Variants in GUCY1A2 observed in about 807,000 individuals in gnomAD.
GUCY1A2 encodes guanylate cyclase soluble subunit alpha-2.
In GUCY1A2, 27 loss-of-function variants were observed where a neutral mutation model predicts 63.5. That is an observed-to-expected ratio of 0.43 (90% CI 0.31 to 0.59). GUCY1A2 has a LOEUF of 0.59. Among genes scored for constraint, GUCY1A2 ranks in the 20% least tolerant of loss-of-function variants. The pLI, the probability that GUCY1A2 is intolerant of heterozygous loss-of-function variation, is 0.11. For missense variants in GUCY1A2, 768 were observed against 913.3 expected, an observed-to-expected ratio of 0.84 and a Z score of 2.05; for synonymous variants, 364 against 343.5, an observed-to-expected ratio of 1.06 and a Z score of -0.66.
intron 5 of GUCY1A2, among the ~76,000 whole-genome samples, chr11:106,788,048 T>C (rs1170366236): frequency 3.3e-5 from 5 of 152,162 alleles, no homozygotes; most frequent in Non-Finnish European, 7.3e-5. Context: ...CCAGTATTTA[T>C]TATTACCTGT....
intron 6 of GUCY1A2, among the ~76,000 whole-genome samples, chr11:106,712,267 C>A (rs1863133554): frequency 6.6e-6 from 1 of 151,976 alleles, no homozygotes; most frequent in Non-Finnish European, 1.5e-5. Flanking sequence ...ATAATATTTT[C>A]TTTTGCAATG....
rs1321581023 is a variant in GUCY1A2 at position 106,827,905 on chromosome 11, A to G, written c.1207-17427T>C. 9.5e-6 allele frequency: 14 copies of G among 1,473,674 alleles called. No homozygotes were observed. The South Asian group carries it at 1.6e-4, about 17-fold the overall frequency. The allele number at this position is 1,473,674 out of a possible 1,614,324, so 91.3% of individuals were successfully genotyped here. A position where few individuals can be genotyped will look rare whatever the true frequency, so the allele number is the denominator to read the frequency against. ...GCTGCCTTCATGCTGCCGGACTCCC[A>G]GTGGTTTACTGAATATCGCGGCGGA... is the stretch of plus-strand genomic sequence containing the variant. On this transcript the variant is annotated intron_variant, in intron 4 of 7. Coordinates refer to ENST00000526355, the MANE Select transcript of GUCY1A2 (RefSeq NM_000855.3).
chr11:106,774,323 G>C (rs1282955336), intron 6 of GUCY1A2, among the ~76,000 whole-genome samples: 1 of 151,970 alleles, frequency 6.6e-6, no homozygotes, highest in African/African-American at 2.4e-5. Context: ...AGTACAGACA[G>C]GGTTTCACCA....
chr11:106,859,398 G>GA (rs1182533171), intron 4 of GUCY1A2, among the ~76,000 whole-genome samples: 1 of 151,852 alleles, frequency 6.6e-6, no homozygotes, highest in Non-Finnish European at 1.5e-5. Context: ...TTATTCTGCT[G>GA]AACCTCATCA....
chr11:106,842,174 GC>G (rs1378703500), intron 4 of GUCY1A2, among the ~76,000 whole-genome samples: 2 of 151,858 alleles, frequency 1.3e-5, no homozygotes, highest in African/African-American at 4.8e-5. Context: ...CCCACAGTGG[GC>G]CCTTCCCACT....
intron 3 of GUCY1A2, among the ~76,000 whole-genome samples, chr11:106,941,139 CA>C (rs1478969209): frequency 6.6e-6 from 1 of 152,044 alleles, no homozygotes; most frequent in Non-Finnish European, 1.5e-5. Context: ...CTTTCACCCA[CA>C]AAAGTAAGGG....
At chr11:106,877,571 C>T (rs1859767072) in intron 4 of GUCY1A2, among the ~76,000 whole-genome samples, 1 of 152,010 alleles carries the variant, frequency 6.6e-6, no homozygotes, top group African/African-American at 2.4e-5. Context: ...ACTGGCTACC[C>T]ATACACAGAA....
intron 6 of GUCY1A2, among the ~76,000 whole-genome samples, chr11:106,769,016 T>G (rs1864209991): frequency 6.6e-6 from 1 of 152,132 alleles, no homozygotes; most frequent in South Asian, 2.1e-4. Context: ...TTAAATCCCC[T>G]GATCGCTAAC....
At chr11:106,979,370 G>A (rs1861304858) in intron 2 of GUCY1A2, among the ~76,000 whole-genome samples, 2 of 151,142 alleles carry the variant, frequency 1.3e-5, no homozygotes, top group South Asian at 2.1e-4. Context: ...CAGAAGAATG[G>A]TGTGAACCCA....
chr11:106,981,461 G>A (rs3133355), intron 2 of GUCY1A2, among the ~76,000 whole-genome samples: 40,012 of 146,706 alleles, frequency 0.27, 5,691 homozygotes, highest in East Asian at 0.51. Flanking sequence ...TATTAACACA[G>A]CAATGCTTAT....
At chr11:106,709,485 T>TATATA (rs1863008493) in intron 6 of GUCY1A2, among the ~76,000 whole-genome samples, 2 of 55,346 alleles carry the variant, frequency 3.6e-5, no homozygotes, top group African/African-American at 2.5e-4. Context: ...TTATTATATA[T>TATATA]TTATATATAT....
At chr11:106,687,966 C>G (rs1862558547) in intron 7 of GUCY1A2, among the ~76,000 whole-genome samples, 1 of 151,964 alleles carries the variant, frequency 6.6e-6, no homozygotes. Flanking sequence ...ATAAAAAAAC[C>G]CCAAAGCTGA....
At chr11:106,988,756 T>C (rs780585466) in intron 1 of GUCY1A2, among the ~76,000 whole-genome samples, 1 of 152,204 alleles carries the variant, frequency 6.6e-6, no homozygotes, top group Non-Finnish European at 1.5e-5. Flanking sequence ...CTGCACAGCA[T>C]CTCCTAACTT....
chr11:106,822,080 T>C (rs1336870714), intron 4 of GUCY1A2, among the ~76,000 whole-genome samples: 1 of 152,166 alleles, frequency 6.6e-6, no homozygotes, highest in Non-Finnish European at 1.5e-5. Context: ...ATCCTGGCTG[T>C]TGCATAAGCA....
intron 4 of GUCY1A2, among the ~76,000 whole-genome samples, chr11:106,818,897 A>C (rs1331340030): frequency 6.6e-6 from 1 of 152,146 alleles, no homozygotes; most frequent in Non-Finnish European, 1.5e-5. Flanking sequence ...TAGATCTCTA[A>C]TTCTATGAAG....
chr11:106,715,571 T>C (rs1863199621), intron 6 of GUCY1A2, among the ~76,000 whole-genome samples: 1 of 152,210 alleles, frequency 6.6e-6, no homozygotes, highest in African/African-American at 2.4e-5. Context: ...AGAGTTAGCA[T>C]ATTCCAATTG....
At chr11:106,799,157 G>C (rs1411302177) in intron 5 of GUCY1A2, among the ~76,000 whole-genome samples, 1 of 152,124 alleles carries the variant, frequency 6.6e-6, no homozygotes, top group African/African-American at 2.4e-5. Context: ...CTGCTTCAAA[G>C]AGAATAAAAT....
At chr11:107,009,286 G>A (rs1861712598) in intron 1 of GUCY1A2, among the ~76,000 whole-genome samples, 1 of 151,982 alleles carries the variant, frequency 6.6e-6, no homozygotes, top group Non-Finnish European at 1.5e-5. Context: ...AAAAATTCTG[G>A]CATTCAGATC....
intron 4 of GUCY1A2, among the ~76,000 whole-genome samples, chr11:106,863,634 C>T (rs1232217239): frequency 6.7e-6 from 1 of 149,338 alleles, no homozygotes; most frequent in African/African-American, 2.5e-5. Flanking sequence ...TTCTTGGTTC[C>T]ATATGAAATT....
Sources: gnomAD v4.1 joint callset for allele counts (sites outside exome capture counted in the v4.1 genomes callset) on GRCh38, gnomAD v4.1.1 for gene constraint, MANE v1.5 for transcripts, NCBI Gene and HGNC (gene_info 2026-07-23, HGNC 2026-07-21) for gene names.